Variants in YEATS2 observed in about 807,000 individuals in gnomAD.
The protein encoded by YEATS2 is YEATS domain containing 2.
Under a neutral mutation model 163.2 loss-of-function variants are expected in YEATS2, and 77 were observed. That is an observed-to-expected ratio of 0.47 (90% CI 0.39 to 0.57). The LOEUF is 0.57. Ranked by LOEUF, YEATS2 falls within the 20% of genes least tolerant of loss-of-function variation. The pLI, the probability that YEATS2 is intolerant of heterozygous loss-of-function variation, is 0.00. For synonymous variants in YEATS2, 631 were observed against 645.1 expected, an observed-to-expected ratio of 0.98 and a Z score of 0.33; for missense variants, 1,549 against 1,729.8, an observed-to-expected ratio of 0.90 and a Z score of 1.85.
At chr3:183,770,763 C>T (rs1489816531) in intron 15 of YEATS2, among the ~76,000 whole-genome samples, 1 of 152,208 alleles carries the variant, frequency 6.6e-6, no homozygotes, top group Non-Finnish European at 1.5e-5. Context: ...TTCCTACTTA[C>T]ATTTTTCTGC....
At chr3:183,738,262 A>T (rs1718558085) in intron 8 of YEATS2, among the ~76,000 whole-genome samples, 1 of 152,170 alleles carries the variant, frequency 6.6e-6, no homozygotes, top group Non-Finnish European at 1.5e-5. Flanking sequence ...GAAGAGTCAC[A>T]CATCTCTCAC....
chr3:183,799,015 G>A (rs200566779), intron 23 of YEATS2, 26 bp downstream of exon 23: 8 of 1,573,824 alleles, frequency 5.1e-6, no homozygotes, highest in East Asian at 4.5e-5. Flanking sequence ...CAGAGTTCTC[G>A]TCCAGAAGTT....
chr3:183,783,534 A>G (rs866621961), intron 19 of YEATS2, among the ~76,000 whole-genome samples: 6 of 152,272 alleles, frequency 3.9e-5, no homozygotes, highest in South Asian at 2.1e-4. Flanking sequence ...CCCAATAGTT[A>G]GTTTTTTAAC....
Position 183,728,813 on chromosome 3 carries a change from T to C in YEATS2, c.774T>C (p.Leu258=). 1 of 1,614,118 alleles carries C rather than the reference T, an allele frequency of 6.2e-7. No individual in the cohort carries two copies. The highest frequency in any genetic ancestry group is 8.5e-7 in the Non-Finnish European group (1 of 1,179,994). The change falls in exon 7 of 31, where the codon CTT becomes CTC. Residue 258 remains leucine (L), a synonymous_variant. Transcript: ENST00000305135. Reference sequence around the variant, plus strand: ...TTGTCAAGAAGGTTTGGTTCTTCCTTCATCCTAGCTATAAACCAAATGACC... The same window carrying C: ...TTGTCAAGAAGGTTTGGTTCTTCCTCCATCCTAGCTATAAACCAAATGACC... The part of the protein sequence containing the change: ...NHFVKKVWFF[L]HPSYKPNDLV...
intron 19 of YEATS2, among the ~76,000 whole-genome samples, chr3:183,780,593 TG>T (rs1362611992): frequency 6.6e-6 from 1 of 152,194 alleles, no homozygotes; most frequent in Non-Finnish European, 1.5e-5. Flanking sequence ...AGAGGAGTAT[TG>T]CTGTCCACAA....
intron 8 of YEATS2, 35 bp from the exon 9 acceptor site, chr3:183,747,637 T>G (rs756273397): frequency 1.3e-6 from 2 of 1,594,650 alleles, no homozygotes; most frequent in South Asian, 1.1e-5. Flanking sequence ...GTAAGTGCAG[T>G]GAAATTTAAC....
At chr3:183,788,968 T>C (rs1216351473) in intron 20 of YEATS2, among the ~76,000 whole-genome samples, 1 of 152,220 alleles carries the variant, frequency 6.6e-6, no homozygotes, top group Non-Finnish European at 1.5e-5. Flanking sequence ...CATTTTCAAA[T>C]GAGATTGTTT....
At chr3:183,730,005 T>C (rs1311887297) in intron 7 of YEATS2, among the ~76,000 whole-genome samples, 2 of 149,870 alleles carry the variant, frequency 1.3e-5, no homozygotes, top group Non-Finnish European at 3.0e-5. Context: ...CTTTACATCT[T>C]TATATGATGT....
chr3:183,728,737 A>G lies in YEATS2; in HGVS notation c.698A>G (p.Lys233Arg), dbSNP rs771255378. ...KREENDQSTHKWMVYVRGSRR... is the reference protein window; with the variant it reads ...KREENDQSTHRWMVYVRGSRR... The stretch of plus-strand genomic sequence containing the variant: ...GAAGAAAATGACCAGTCAACTCATA[A>G]GTGGATGGTATATGTCCGAGGGTCC... Residue 233 changes from lysine (K) to arginine (R), a missense_variant, in exon 7 of 31, where the codon AAG becomes AGG. Lys to Arg is a conservative substitution (Grantham distance 26). Coordinates refer to ENST00000305135, the MANE Select transcript of YEATS2 (RefSeq NM_018023.5). The G allele has an allele frequency of 6.2e-7, 1 of 1,613,872 alleles. No homozygotes were observed.
At chr3:183,764,680 G>A (rs371355370) in intron 15 of YEATS2, among the ~76,000 whole-genome samples, 5 of 151,550 alleles carry the variant, frequency 3.3e-5, no homozygotes, top group Admixed American at 2.6e-4. Flanking sequence ...GGTGGCGGGC[G>A]CCTGTAATCC....
At position 183,728,889 on chromosome 3, in the gene YEATS2, C is replaced by T. The variant is rs779226053; in HGVS notation, c.812+38C>T. 1.4e-5 allele frequency: 22 copies of T among 1,557,284 alleles called. No individual in the cohort carries two copies. In the South Asian group the frequency reaches 2.6e-4, roughly 19 times the overall value. ...GAGGTATTTAACCTAAATTGAAATG[C>T]AGACTTATTTTTGAAGTGGAAGAAA... On this transcript the variant is annotated intron_variant, in intron 7 of 30. Transcript: ENST00000305135.
At chr3:183,776,231 A>T (rs188414958) in intron 18 of YEATS2, 108 bp downstream of exon 18, 481 of 1,115,352 alleles carry the variant, frequency 4.3e-4, no homozygotes, top group Non-Finnish European at 5.4e-4. Flanking sequence ...CAATACTAAC[A>T]CCTTAACCGT....
At chr3:183,728,022 A>C (rs925805769) in intron 6 of YEATS2, among the ~76,000 whole-genome samples, 18 of 152,124 alleles carry the variant, frequency 1.2e-4, no homozygotes, top group Non-Finnish European at 2.2e-4. Flanking sequence ...CCTTAAACCA[A>C]ATTCATGTTT....
chr3:183,777,850 C>T (rs947420338), intron 19 of YEATS2, 150 bp downstream of exon 19: 31 of 1,195,366 alleles, frequency 2.6e-5, no homozygotes, highest in Admixed American at 2.1e-4. Context: ...CGTCTGTAAT[C>T]CCAGCACTTT....
intron 7 of YEATS2, among the ~76,000 whole-genome samples, chr3:183,729,645 T>A (rs1365749029): frequency 6.7e-6 from 1 of 150,254 alleles, no homozygotes; most frequent in Non-Finnish European, 1.5e-5. Flanking sequence ...TGTTGTGAAA[T>A]TTGCTTGTAC....
chr3:183,726,208 A>T (rs772376844), intron 6 of YEATS2, among the ~76,000 whole-genome samples: 1 of 151,810 alleles, frequency 6.6e-6, no homozygotes, highest in Non-Finnish European at 1.5e-5. Context: ...TTTCTAAGAC[A>T]TGAGCTCTTA....
chr3:183,797,142 G>A (rs1457245413), intron 21 of YEATS2, among the ~76,000 whole-genome samples: 7 of 151,894 alleles, frequency 4.6e-5, no homozygotes, highest in Non-Finnish European at 7.4e-5. Flanking sequence ...GGTGGCATGC[G>A]CCTGTAATCC....
chr3:183,729,482 G>A (rs910891537), intron 7 of YEATS2, among the ~76,000 whole-genome samples: 2 of 152,100 alleles, frequency 1.3e-5, no homozygotes, highest in Non-Finnish European at 2.9e-5. Context: ...ATTAAATATA[G>A]TATTCTAACA....
intron 9 of YEATS2, among the ~76,000 whole-genome samples, chr3:183,750,542 A>G (rs1033877116): frequency 2.0e-5 from 3 of 152,104 alleles, no homozygotes; most frequent in African/African-American, 4.8e-5. Context: ...ATTCCCACCA[A>G]CAGTGCACAC....
Sources: gnomAD v4.1 joint callset for allele counts (sites outside exome capture counted in the v4.1 genomes callset) on GRCh38, gnomAD v4.1.1 for gene constraint, MANE v1.5 for transcripts, NCBI Gene and HGNC (gene_info 2026-07-23, HGNC 2026-07-21) for gene names.